MGST1: variants seen among roughly 807,000 people sequenced by gnomAD.
MGST1 encodes glutathione S-transferase 12.
A neutral mutation model predicts 8.9 loss-of-function variants in MGST1; 5 were observed. The observed-to-expected ratio is 0.56, with a 90% CI of 0.29 to 1.19. The LOEUF (loss-of-function observed/expected upper bound fraction) is 1.19. Ranked by LOEUF, MGST1 falls within the 50% of genes most tolerant of loss-of-function variation. The probability of loss-of-function intolerance (pLI) is 0.08; values close to 1 mark genes in which losing one functional copy is unlikely to be tolerated. For synonymous variants in MGST1, 54 were observed against 67.8 expected (o/e 0.80, Z 1.00); for missense variants, 182 against 187.4 (o/e 0.97, Z 0.17).
chr12:16,550,212 G>A (rs1941937524), intron 4 of MGST1: 2 of 152,196 alleles, frequency 1.3e-5, no homozygotes, highest in South Asian at 4.1e-4. Flanking sequence ...TCTTTTCAGT[G>A]TCATACATTT....
chr12:16,518,148 A>G (rs1488237843), intron 4 of MGST1, among the ~76,000 whole-genome samples: 2 of 152,120 alleles, frequency 1.3e-5, no homozygotes. Flanking sequence ...TAAAATCCCA[A>G]CTTCTGACAT....
intron 3 of MGST1, among the ~76,000 whole-genome samples, chr12:16,374,917 G>A (rs1207438186): frequency 6.6e-6 from 1 of 152,152 alleles, no homozygotes; most frequent in Non-Finnish European, 1.5e-5. Flanking sequence ...GTCTCACTCT[G>A]TTGCCCATGC....
In MGST1 at chr12:16,389,772, GA is replaced by G. The variant is rs1401370107; in HGVS notation, n.778+6169del. Among the ~76,000 whole-genome samples, 1 of 152,152 alleles carries G rather than the reference GA, an allele frequency of 6.6e-6. No individual in the cohort carries two copies. Among genetic ancestry groups the G allele is most frequent in the Non-Finnish European group, 1.5e-5 (1 of 68,024 alleles). On this transcript the variant is annotated intron_variant and non_coding_transcript_variant, in intron 1 of 1. Transcript: ENST00000359720. This position sits in a 1 kb window ranked among gnomAD's most constrained non-coding sequence, Gnocchi z 4.6. ...AGCAATATTGGAGTTTTCATAGTAA[GA>G]GCTTGCAGAGGTGGCTGGGAGTGAG... is the stretch of plus-strand genomic sequence containing the variant.
intron 4 of MGST1, among the ~76,000 whole-genome samples, chr12:16,484,735 C>G (rs1251929150): frequency 1.3e-5 from 2 of 152,078 alleles, no homozygotes; most frequent in Non-Finnish European, 2.9e-5. Flanking sequence ...AGGGGGAAAC[C>G]ATCCGCATGA....
At chr12:16,444,867 T>C (rs1381624968) in intron 4 of MGST1, among the ~76,000 whole-genome samples, 1 of 151,900 alleles carries the variant, frequency 6.6e-6, no homozygotes, top group Non-Finnish European at 1.5e-5. Flanking sequence ...GACAGACTCA[T>C]GGTTAAGGCA....
chr12:16,573,184 C>T (rs1477498345), intron 4 of MGST1, among the ~76,000 whole-genome samples: 4 of 151,730 alleles, frequency 2.6e-5, no homozygotes, highest in East Asian at 1.9e-4. Flanking sequence ...ATAAGTGCCC[C>T]GGACAAAAAC....
chr12:16,400,354 A>T, intron 1 of MGST1: 1 of 815,768 alleles, frequency 1.2e-6, no homozygotes, highest in Non-Finnish European at 2.2e-6. Flanking sequence ...GTCTCCTCGA[A>T]CAGATATGAA....
chr12:16,355,989 C>T (rs1939698575), intron 2 of MGST1, among the ~76,000 whole-genome samples: 1 of 152,114 alleles, frequency 6.6e-6, no homozygotes, highest in Non-Finnish European at 1.5e-5. Flanking sequence ...AGATGGCCAT[C>T]TTCTCATTGT....
chr12:16,378,943 CTGTT>C (rs1343892703), downstream of MGST1, among the ~76,000 whole-genome samples: 5 of 151,986 alleles, frequency 3.3e-5, no homozygotes, highest in Admixed American at 2.0e-4. Context: ...ATTTGGCTCT[CTGTT>C]TGTCTGTTAT....
Position 16,513,858 on chromosome 12 carries a change from A to G in MGST1, n.483-75670A>G, listed in dbSNP as rs1941593588. 1.6e-6 allele frequency: 1 copy of G among 611,596 alleles called. No homozygotes were observed. Among genetic ancestry groups the G allele is most frequent in the Non-Finnish European group, 3.2e-6 (1 of 316,042 alleles). The allele number at this position is 611,596 out of a possible 1,614,324, so 37.9% of individuals were successfully genotyped here. Reference sequence around the variant, plus strand: ...TCAGCCAAGATGTCTTTCTGCCCAAACCAACCTGGGGAAGTCGCACACCCA... The same window carrying G: ...TCAGCCAAGATGTCTTTCTGCCCAAGCCAACCTGGGGAAGTCGCACACCCA... On this transcript the variant is annotated intron_variant and non_coding_transcript_variant, in intron 4 of 4. Transcript: ENST00000538857. This position sits in a 1 kb window ranked among gnomAD's most constrained non-coding sequence, Gnocchi z 4.2.
chr12:16,530,896 G>T (rs1941718413), intron 4 of MGST1, among the ~76,000 whole-genome samples: 1 of 151,946 alleles, frequency 6.6e-6, no homozygotes, highest in Non-Finnish European at 1.5e-5. Context: ...CATGGTCTTT[G>T]CCCATGAGGT....
rs1282352633 is a variant in MGST1, at chr12:16,585,719, T to C, written n.483-3809T>C. Among the ~76,000 whole-genome samples the C allele has an allele frequency of 6.6e-6, 1 of 152,036 alleles. No individual in the cohort carries two copies. Among genetic ancestry groups the C allele is most frequent in the African/African-American group, 2.4e-5 (1 of 41,394 alleles). On this transcript the variant is annotated intron_variant and non_coding_transcript_variant, in intron 4 of 4. Coordinates refer to the MGST1 transcript ENST00000538857. The surrounding 1 kb of genome is among the most constrained non-coding windows in gnomAD (Gnocchi z 4.7). ...GTGATGTAAGCAGCTCCAAATATAA[T>C]AATAGAAAGGAAAATATGGGTGAGA...
In MGST1 at chr12:16,584,520, T is replaced by C. The variant is rs1591811461; in HGVS notation, n.483-5008T>C. On this transcript the variant is annotated intron_variant and non_coding_transcript_variant, in intron 4 of 4. Coordinates refer to the MGST1 transcript ENST00000538857. This position sits in a 1 kb window ranked among gnomAD's most constrained non-coding sequence, Gnocchi z 5.2. ...TTGAGTGAACGTAACAGCAGAAATA[T>C]ACAGAGAATGAGGAAAGGAATGGAA... Among the ~76,000 whole-genome samples, 3 of 152,136 alleles carry C rather than the reference T, an allele frequency of 2.0e-5. No homozygotes were observed. In the Middle Eastern group the frequency reaches 0.01, roughly 517 times the overall value.
At chr12:16,516,913 CTT>C (rs1941618631) in intron 4 of MGST1, among the ~76,000 whole-genome samples, 1 of 152,058 alleles carries the variant, frequency 6.6e-6, no homozygotes, top group Non-Finnish European at 1.5e-5. Context: ...TCAGAGATGA[CTT>C]AACTTACAAT....
At position 16,401,780 on chromosome 12, in the gene MGST1, G is replaced by C; in HGVS notation, n.778+18176G>C. 7.5e-6 allele frequency: 12 copies of C among 1,601,030 alleles called. No homozygotes were observed. The highest frequency in any genetic ancestry group is 1.0e-5 in the Non-Finnish European group (12 of 1,168,086). On this transcript the variant is annotated intron_variant and non_coding_transcript_variant, in intron 1 of 1. Coordinates refer to the MGST1 transcript ENST00000359720. This position sits in a 1 kb window ranked among gnomAD's most constrained non-coding sequence, Gnocchi z 4.3. ...TTTCCACAGACTCAGCCAGTTTGCT[G>C]TGTCAAACTTTCTCATCTGCATCAA...
In MGST1 at chr12:16,364,314, A is replaced by G; in HGVS notation, c.*273A>G. On this transcript the variant is annotated 3_prime_UTR_variant, in exon 4 of 4. Transcript: ENST00000396210. The surrounding 1 kb of genome is among the most constrained non-coding windows in gnomAD (Gnocchi z 5.7). ...TGTTATGATTTGTAACATTCACACA[A>G]CACCTCACTTTTGAATCTATAAAAG... 9.1e-7 allele frequency: 1 copy of G among 1,092,956 alleles called. No homozygotes were observed. Among genetic ancestry groups the G allele is most frequent in the Middle Eastern group, 4.1e-4 (1 of 2,430 alleles). 67.7% of individuals were successfully genotyped at this position (1,092,956 alleles called of 1,614,324 possible).
At chr12:16,349,666 C>T (rs890180839) in intron 1 of MGST1, among the ~76,000 whole-genome samples, 2 of 152,044 alleles carry the variant, frequency 1.3e-5, no homozygotes, top group African/African-American at 4.8e-5. Context: ...TTCTAAAATC[C>T]TCAGTGCCTA....
chr12:16,380,009 T>C (rs1694034550), downstream of MGST1, among the ~76,000 whole-genome samples: 1 of 152,234 alleles, frequency 6.6e-6, no homozygotes, highest in African/African-American at 2.4e-5. Context: ...TTTATCATTT[T>C]TTATTGCATC....
chr12:16,528,165 G>A (rs542140017), intron 4 of MGST1, among the ~76,000 whole-genome samples: 57 of 151,990 alleles, frequency 3.8e-4, no homozygotes, highest in African/African-American at 1.2e-3. Context: ...GCTTGTTTTC[G>A]CCAGGCAAAA....
Sources: allele counts gnomAD v4.1 joint callset (sites outside exome capture counted in the v4.1 genomes callset), GRCh38; gene constraint gnomAD v4.1.1; non-coding constraint Gnocchi (gnomAD v3.1); transcripts MANE v1.5; gene names NCBI Gene and HGNC (gene_info 2026-07-23, HGNC 2026-07-21).